Variants in PRUNE2 observed in about 807,000 individuals in gnomAD.
PRUNE2 encodes protein prune homolog 2.
A neutral mutation model predicts 252.0 loss-of-function variants in PRUNE2; 164 were observed. That is an observed-to-expected ratio of 0.65 (90% CI 0.57 to 0.74). The LOEUF (loss-of-function observed/expected upper bound fraction) is 0.74. PRUNE2 is among the 30% of genes least tolerant of loss of function. The probability of loss-of-function intolerance (pLI) is 0.00; values close to 1 mark genes in which losing one functional copy is unlikely to be tolerated. For synonymous variants in PRUNE2, 1,292 were observed against 1,350.2 expected, an observed-to-expected ratio of 0.96 and a Z score of 0.94; for missense variants, 3,495 against 3,711.0, an observed-to-expected ratio of 0.94 and a Z score of 1.51.
intron 6 of PRUNE2, among the ~76,000 whole-genome samples, chr9:76,776,452 T>C (rs2053753986): frequency 6.6e-6 from 1 of 152,130 alleles, no homozygotes; most frequent in Non-Finnish European, 1.5e-5. Context: ...TCCATATTGC[T>C]GCAAAAGCTG....
chr9:76,717,149 T>C (rs1459223835), intron 6 of PRUNE2, among the ~76,000 whole-genome samples: 1 of 152,182 alleles, frequency 6.6e-6, no homozygotes, highest in African/African-American at 2.4e-5. Context: ...AGAAACAAAA[T>C]ACATTTTACA....
intron 6 of PRUNE2, among the ~76,000 whole-genome samples, chr9:76,821,905 T>C (rs529211562): frequency 2.0e-5 from 3 of 152,130 alleles, no homozygotes; most frequent in Non-Finnish European, 4.4e-5. Flanking sequence ...AATTTGCTAA[T>C]TACAGACAGT....
intron 6 of PRUNE2, chr9:76,783,747 C>T (rs1015142482): frequency 3.3e-5 from 5 of 152,172 alleles, no homozygotes; most frequent in Non-Finnish European, 7.3e-5. Flanking sequence ...TCTGAGGCCA[C>T]ACATCTGCTG....
intron 9 of PRUNE2, among the ~76,000 whole-genome samples, chr9:76,702,674 A>G (rs2045986326): frequency 6.6e-6 from 1 of 152,158 alleles, no homozygotes; most frequent in African/African-American, 2.4e-5. Context: ...CCAATTAGGG[A>G]ATGAATGTGT....
chr9:76,854,825 G>A (rs1207453309), intron 1 of PRUNE2, among the ~76,000 whole-genome samples: 3 of 151,902 alleles, frequency 2.0e-5, no homozygotes, highest in East Asian at 1.9e-4. Flanking sequence ...AGCACTTTAG[G>A]AGGCTGAGGC....
At chr9:76,748,128 G>C (rs1296913262) in intron 6 of PRUNE2, among the ~76,000 whole-genome samples, 1 of 152,082 alleles carries the variant, frequency 6.6e-6, no homozygotes, top group African/African-American at 2.4e-5. Flanking sequence ...CTGGTCAAAG[G>C]TCAGACATTT....
At chr9:76,840,871 C>T (rs2059348694) in intron 4 of PRUNE2, among the ~76,000 whole-genome samples, 1 of 152,044 alleles carries the variant, frequency 6.6e-6, no homozygotes, top group African/African-American at 2.4e-5. Flanking sequence ...ATCCCAGCTA[C>T]TTGAGAGGCT....
At chr9:76,630,216 T>C (rs1465282901) in intron 15 of PRUNE2, among the ~76,000 whole-genome samples, 1 of 152,056 alleles carries the variant, frequency 6.6e-6, no homozygotes, top group East Asian at 1.9e-4. Context: ...TAAAAATATA[T>C]GTAAACTCAT....
At chr9:76,674,552 G>GA (rs542155787) in intron 9 of PRUNE2, among the ~76,000 whole-genome samples, 5 of 151,490 alleles carry the variant, frequency 3.3e-5, no homozygotes, top group African/African-American at 1.2e-4. Flanking sequence ...CACAGAATTG[G>GA]AAAAAAACTA....
intron 6 of PRUNE2, among the ~76,000 whole-genome samples, chr9:76,718,563 A>G (rs2047359565): frequency 6.6e-6 from 1 of 151,904 alleles, no homozygotes; most frequent in South Asian, 2.1e-4. Context: ...GACACCACAC[A>G]CCTTGTTTTT....
chr9:76,652,075 C>T (rs1847615613), intron 11 of PRUNE2: 1 of 157,654 alleles, frequency 6.3e-6, no homozygotes, highest in Non-Finnish European at 1.4e-5. Context: ...ACGTAAGGAT[C>T]TGGGGAAAAG....
chr9:76,810,949 A>T (rs114712476), intron 6 of PRUNE2, among the ~76,000 whole-genome samples: 106 of 152,326 alleles, frequency 7.0e-4, no homozygotes, highest in African/African-American at 2.4e-3. Context: ...TAACCATTAA[A>T]ATATTGCATA....
chr9:76,736,226 G>A (rs1328685000), intron 6 of PRUNE2, among the ~76,000 whole-genome samples: 4 of 152,074 alleles, frequency 2.6e-5, no homozygotes, highest in African/African-American at 9.6e-5. Flanking sequence ...TAAGCACTCT[G>A]GTGGTATGCT....
chr9:76,628,337 C>T (rs776480459), intron 16 of PRUNE2, among the ~76,000 whole-genome samples: 7 of 152,190 alleles, frequency 4.6e-5, no homozygotes, highest in Admixed American at 2.0e-4. Context: ...GCTGATACTG[C>T]GTTACCCTCT....
intron 6 of PRUNE2, among the ~76,000 whole-genome samples, chr9:76,818,570 AG>A (rs1450734960): frequency 6.6e-6 from 1 of 151,850 alleles, no homozygotes; most frequent in Non-Finnish European, 1.5e-5. Flanking sequence ...GCTGGTCATG[AG>A]GAGGTCTGAG....
At chr9:76,759,322 C>T (rs1346323538) in intron 6 of PRUNE2, 2 of 152,230 alleles carry the variant, frequency 1.3e-5, no homozygotes, top group Admixed American at 6.5e-5. Context: ...TCCCTTACCC[C>T]ACCCTCAATC....
intron 9 of PRUNE2, among the ~76,000 whole-genome samples, chr9:76,690,978 C>A (rs2134442065): frequency 6.6e-6 from 1 of 152,318 alleles, no homozygotes; most frequent in East Asian, 1.9e-4. Context: ...AAGAGCAATT[C>A]CATGGGTCAT....
chr9:76,620,379 G>T (rs1021800317), intron 17 of PRUNE2, among the ~76,000 whole-genome samples: 4 of 152,022 alleles, frequency 2.6e-5, no homozygotes, highest in South Asian at 2.1e-4. Flanking sequence ...GGACTCAAGC[G>T]ATCCTCCTGC....
chr9:76,858,750 G>A (rs1403864236), intron 1 of PRUNE2, among the ~76,000 whole-genome samples: 1 of 144,840 alleles, frequency 6.9e-6, no homozygotes, highest in African/African-American at 2.6e-5. Flanking sequence ...CAGAACTTAA[G>A]GTATAATTAA....
Sources: allele counts gnomAD v4.1 joint callset (sites outside exome capture counted in the v4.1 genomes callset), GRCh38; gene constraint gnomAD v4.1.1; transcripts MANE v1.5; gene names NCBI Gene and HGNC (gene_info 2026-07-23, HGNC 2026-07-21).